Variants in FTO observed in about 807,000 individuals in gnomAD.
The protein encoded by FTO is FTO alpha-ketoglutarate dependent dioxygenase, also known as alpha-ketoglutarate-dependent dioxygenase FTO.
FTO carries 47 observed loss-of-function variants against 63.9 expected under a neutral mutation model. The ratio of observed to expected loss-of-function variants is 0.74; its 90% CI spans 0.58 to 0.94. The LOEUF (loss-of-function observed/expected upper bound fraction) is 0.94, where lower values mean the gene tolerates loss of function less well. Ranked by LOEUF, FTO falls within the 40% of genes least tolerant of loss-of-function variation. The probability of loss-of-function intolerance (pLI) is 0.00; values close to 1 mark genes in which losing one functional copy is unlikely to be tolerated. For synonymous variants in FTO, 207 were observed against 224.4 expected (o/e 0.92, Z 0.69); for missense variants, 562 against 618.1 (o/e 0.91, Z 0.96).
intron 1 of FTO, among the ~76,000 whole-genome samples, chr16:53,783,210 G>A (rs559795965): frequency 6.6e-6 from 1 of 151,968 alleles, no homozygotes; most frequent in Non-Finnish European, 1.5e-5. Flanking sequence ...TGCTGGGTGC[G>A]GTGGCTCACT....
intron 8 of FTO, among the ~76,000 whole-genome samples, chr16:53,988,540 T>C (rs2083726157): frequency 6.6e-6 from 1 of 152,296 alleles, no homozygotes; most frequent in African/African-American, 2.4e-5. Context: ...AAAGGAAATA[T>C]TCTACCCATG....
chr16:53,924,622 GGAA>G (rs1207027925), intron 7 of FTO, among the ~76,000 whole-genome samples: 1 of 152,096 alleles, frequency 6.6e-6, no homozygotes, highest in Non-Finnish European at 1.5e-5. Context: ...GGGAGGGGAA[GGAA>G]GGATGAAGAC....
In FTO at chr16:53,826,127, G is replaced by C. The variant is rs757157849; in HGVS notation, c.387G>C (p.Glu129Asp). The change falls in exon 3 of 9, where the codon GAG becomes GAC. Residue 129 changes from glutamate to aspartate, a missense_variant. Glu to Asp is a conservative substitution (Grantham distance 45). Transcript: ENST00000471389. The stretch of plus-strand genomic sequence containing the variant: ...AAGGGTCTAATATAAAACACACCGA[G>C]GCTGAAATAGCCGCTGCTTGTGAGA... ...PVKGSNIKHTEAEIAAACETF... is the reference protein window; with the variant it reads ...PVKGSNIKHTDAEIAAACETF... 1 of 1,614,150 alleles carries C rather than the reference G, an allele frequency of 6.2e-7. No individual in the cohort carries two copies. Among genetic ancestry groups the C allele is most frequent in the Non-Finnish European group, 8.5e-7 (1 of 1,180,032 alleles).
chr16:53,749,337 A>G (rs560119540), intron 1 of FTO, among the ~76,000 whole-genome samples: 3 of 152,180 alleles, frequency 2.0e-5, no homozygotes, highest in South Asian at 2.1e-4. Flanking sequence ...TGCTCTGGCA[A>G]TACTCTAATA....
intron 8 of FTO, among the ~76,000 whole-genome samples, chr16:54,080,694 C>T (rs1158065842): frequency 6.6e-6 from 1 of 152,106 alleles, no homozygotes; most frequent in East Asian, 1.9e-4. Flanking sequence ...GTTTTTGTTA[C>T]CTGATCAGTA....
intron 2 of FTO, among the ~76,000 whole-genome samples, chr16:53,820,181 G>A (rs1278375888): frequency 2.0e-5 from 3 of 151,790 alleles, no homozygotes; most frequent in Non-Finnish European, 2.9e-5. Context: ...GCTAGTTTTT[G>A]TATTTTTAGT....
chr16:53,790,949 GA>G, intron 1 of FTO, among the ~76,000 whole-genome samples: 1 of 152,222 alleles, frequency 6.6e-6, no homozygotes, highest in Admixed American at 6.5e-5. Flanking sequence ...AGAAAGACCT[GA>G]AACAGAGACA....
intron 8 of FTO, among the ~76,000 whole-genome samples, chr16:53,941,742 G>A (rs2082534469): frequency 6.6e-6 from 1 of 152,186 alleles, no homozygotes; most frequent in Non-Finnish European, 1.5e-5. Context: ...CAGCTACTTG[G>A]GAGGCTGAGG....
chr16:53,950,155 T>TAAAAAAAAAAAAAAAAAAAA (rs57925273), intron 8 of FTO, among the ~76,000 whole-genome samples: 27 of 50,622 alleles, frequency 5.3e-4, no homozygotes, highest in Non-Finnish European at 7.5e-4. Flanking sequence ...TTCACATTTG[T>TAAAAAAAAAAAAAAAAAAAA]AAAAAAAAAA....
chr16:53,734,346 A>G (rs1032368490), intron 1 of FTO, among the ~76,000 whole-genome samples: 1 of 152,220 alleles, frequency 6.6e-6, no homozygotes, highest in Non-Finnish European at 1.5e-5. Flanking sequence ...TCTGAATGTT[A>G]TAAACTCTCT....
chr16:53,796,054 T>TC (rs2078061417), intron 1 of FTO, among the ~76,000 whole-genome samples: 1 of 150,514 alleles, frequency 6.6e-6, no homozygotes, highest in Non-Finnish European at 1.5e-5. Context: ...TCTTTCTTTT[T>TC]TTTTTTTTTT....
At chr16:53,966,002 G>C (rs2083189041) in intron 8 of FTO, 1 of 152,014 alleles carries the variant, frequency 6.6e-6, no homozygotes, top group Admixed American at 6.6e-5. Context: ...TAAGTAGCTG[G>C]GATTACAGGC....
At chr16:53,721,626 C>A (rs1338520011) in intron 1 of FTO, among the ~76,000 whole-genome samples, 1 of 152,060 alleles carries the variant, frequency 6.6e-6, no homozygotes, top group East Asian at 1.9e-4. Flanking sequence ...TTCCCATGTT[C>A]TTTGGGGAAA....
chr16:53,935,806 T>C (rs112318366), intron 8 of FTO: 130 of 152,356 alleles, frequency 8.5e-4, no homozygotes, highest in African/African-American at 2.7e-3. Context: ...AAGTTAAGCA[T>C]GTATATTCAT....
chr16:54,095,790 A>C (rs2086503280), intron 8 of FTO, among the ~76,000 whole-genome samples: 2 of 152,048 alleles, frequency 1.3e-5, no homozygotes, highest in Non-Finnish European at 2.9e-5. Flanking sequence ...CCTGGCCCCA[A>C]AGGTGACTTC....
intron 1 of FTO, among the ~76,000 whole-genome samples, chr16:53,756,528 A>T (rs1317648137): frequency 6.6e-6 from 1 of 152,198 alleles, no homozygotes; most frequent in Non-Finnish European, 1.5e-5. Context: ...TTTCTCTAAC[A>T]TTATGTGTAT....
intron 4 of FTO, among the ~76,000 whole-genome samples, chr16:53,847,839 A>C (rs78208509): frequency 6.6e-6 from 1 of 152,098 alleles, no homozygotes; most frequent in Non-Finnish European, 1.5e-5. Flanking sequence ...TTTTGGTGTT[A>C]TAATGAGTAT....
chr16:54,108,289 C>T (rs1192003734), intron 8 of FTO, among the ~76,000 whole-genome samples: 1 of 152,162 alleles, frequency 6.6e-6, no homozygotes, highest in Non-Finnish European at 1.5e-5. Flanking sequence ...GGAACAACCA[C>T]CATTTGGAAG....
At chr16:53,749,026 A>G (rs547430954) in intron 1 of FTO, among the ~76,000 whole-genome samples, 98 of 151,808 alleles carry the variant, frequency 6.5e-4, no homozygotes, top group African/African-American at 2.2e-3. Context: ...TCGGCTTCCC[A>G]AAGTGCTGGG....
Sources: allele counts gnomAD v4.1 joint callset (sites outside exome capture counted in the v4.1 genomes callset), GRCh38; gene constraint gnomAD v4.1.1; transcripts MANE v1.5; gene names NCBI Gene and HGNC (gene_info 2026-07-23, HGNC 2026-07-21).